The following ZFAT variants were observed in gnomAD, a reference collection of about 807,000 sequenced individuals.
ZFAT encodes zinc finger and AT-hook domain containing.
Under a neutral mutation model 117.7 loss-of-function variants are expected in ZFAT, and 64 were observed. That is an observed-to-expected ratio of 0.54 (90% CI 0.44 to 0.67). The LOEUF (loss-of-function observed/expected upper bound fraction) is 0.67. Ranked by LOEUF, ZFAT falls within the 30% of genes least tolerant of loss-of-function variation. The pLI is 0.00. For synonymous variants in ZFAT, 679 were observed against 615.0 expected (o/e 1.10, Z -1.54); for missense variants, 1,433 against 1,584.5 (o/e 0.90, Z 1.62).
At chr8:134,819,870 GAA>G in the ZFAT span, among the ~76,000 whole-genome samples, 5 of 144,294 alleles carry the variant, frequency 3.5e-5, no homozygotes, top group Admixed American at 6.9e-5. Context: ...ACGGGGGGAA[GAA>G]AAAAAAAAAG....
the ZFAT span, among the ~76,000 whole-genome samples, chr8:134,814,162 T>G: frequency 1.3e-5 from 2 of 152,214 alleles, no homozygotes; most frequent in African/African-American, 4.8e-5. Context: ...GTTCTATGAA[T>G]GTATTTTTGG....
intron 3 of ZFAT, among the ~76,000 whole-genome samples, chr8:134,629,233 C>G (rs958849589): frequency 3.3e-5 from 5 of 152,140 alleles, no homozygotes; most frequent in Non-Finnish European, 7.4e-5. Context: ...GGATGAGTTT[C>G]GGATTGAACA....
chr8:134,578,626 G>A (rs1825493655), intron 10 of ZFAT, among the ~76,000 whole-genome samples: 1 of 152,094 alleles, frequency 6.6e-6, no homozygotes, highest in African/African-American at 2.4e-5. Flanking sequence ...TGGCTGTTCT[G>A]TTGAGAATGG....
intron 10 of ZFAT, among the ~76,000 whole-genome samples, chr8:134,574,339 G>T (rs2130809229): frequency 6.6e-6 from 1 of 152,218 alleles, no homozygotes; most frequent in African/African-American, 2.4e-5. Context: ...ATCGCTCCTG[G>T]CCTCCCGGCA....
In ZFAT at chr8:134,582,063, T is replaced by G. The variant is rs181338725; in HGVS notation, c.2887+1769A>C. Among the ~76,000 whole-genome samples the G allele has an allele frequency of 9.9e-5, 15 of 152,256 alleles. No individual in the cohort carries two copies. In the East Asian group the frequency reaches 2.5e-3, roughly 25 times the overall value. ...TTTGAATACCATTCCTTTTCAGGAG[T>G]TGCATTCCTGCTTTGACAACAAGAC... On this transcript the variant is annotated intron_variant, in intron 10 of 15. Coordinates refer to ENST00000377838, the MANE Select transcript of ZFAT (RefSeq NM_020863.4).
chr8:134,727,161 T>C, the ZFAT span, among the ~76,000 whole-genome samples: 2 of 149,448 alleles, frequency 1.3e-5, no homozygotes, highest in Non-Finnish European at 3.0e-5. Flanking sequence ...CAAGGAGTAA[T>C]GTTTTCTAGA....
At chr8:134,737,411 G>A in the ZFAT span, among the ~76,000 whole-genome samples, 24 of 152,230 alleles carry the variant, frequency 1.6e-4, no homozygotes, top group Non-Finnish European at 2.8e-4. Flanking sequence ...TAAGATGCTG[G>A]CTGGTCAAAA....
chr8:134,683,650 C>T (rs1833175106), intron 1 of ZFAT, among the ~76,000 whole-genome samples: 1 of 152,200 alleles, frequency 6.6e-6, no homozygotes, highest in South Asian at 2.1e-4. Flanking sequence ...AGGTTAAAGG[C>T]AGGGCAGGCA....
chr8:134,686,453 C>A (rs1169582406), intron 1 of ZFAT, among the ~76,000 whole-genome samples: 1 of 152,156 alleles, frequency 6.6e-6, no homozygotes, highest in Admixed American at 6.5e-5. Flanking sequence ...TGCGAACATT[C>A]ACTAAGCTGT....
chr8:134,614,877 G>C (rs1451820391), intron 3 of ZFAT, among the ~76,000 whole-genome samples: 1 of 152,152 alleles, frequency 6.6e-6, no homozygotes, highest in East Asian at 1.9e-4. Flanking sequence ...ACCAAACAAC[G>C]TCTAAATCTC....
the ZFAT span, among the ~76,000 whole-genome samples, chr8:134,757,009 C>CT: frequency 0.3 from 24,556 of 81,468 alleles, 3,434 homozygotes; most frequent in South Asian, 0.33. Context: ...ACCTTCTTTC[C>CT]TTTTTTTTTT....
intron 2 of ZFAT, among the ~76,000 whole-genome samples, chr8:134,656,058 A>T (rs1240885798): frequency 6.6e-6 from 1 of 152,176 alleles, no homozygotes; most frequent in South Asian, 2.1e-4. Flanking sequence ...CAAGTCACTG[A>T]CTGCTCAGCA....
At chr8:134,574,440 C>G (rs1825159018) in intron 10 of ZFAT, among the ~76,000 whole-genome samples, 1 of 151,872 alleles carries the variant, frequency 6.6e-6, no homozygotes, top group Non-Finnish European at 1.5e-5. Context: ...CCCTTTGTTT[C>G]TTACTACAGC....
At chr8:134,710,408 C>G (rs1280081292) in intron 1 of ZFAT, among the ~76,000 whole-genome samples, 3 of 152,200 alleles carry the variant, frequency 2.0e-5, no homozygotes, top group Non-Finnish European at 4.4e-5. Flanking sequence ...CCTCTGAAAC[C>G]AATGGTCTTT....
chr8:134,479,851 T>C (rs1398745935), intron 15 of ZFAT, among the ~76,000 whole-genome samples: 1 of 152,084 alleles, frequency 6.6e-6, no homozygotes, highest in Non-Finnish European at 1.5e-5. Flanking sequence ...GACTAAAATG[T>C]GTTCTTCAGA....
At chr8:134,814,447 C>G in the ZFAT span, among the ~76,000 whole-genome samples, 3 of 152,170 alleles carry the variant, frequency 2.0e-5, no homozygotes, top group East Asian at 5.8e-4. Context: ...ATGCTGTCAT[C>G]ATGGTGACTG....
intron 15 of ZFAT, among the ~76,000 whole-genome samples, chr8:134,500,121 C>G (rs1292658441): frequency 2.6e-5 from 4 of 152,180 alleles, no homozygotes; most frequent in Non-Finnish European, 2.9e-5. Context: ...GGCCTTGACC[C>G]CAAACTTGAA....
the ZFAT span, chr8:134,792,373 T>C: frequency 5.3e-5 from 8 of 152,204 alleles, no homozygotes; most frequent in Non-Finnish European, 7.3e-5. Flanking sequence ...ACTTGTCTTC[T>C]TGTGTTCAGG....
chr8:134,755,040 C>A, the ZFAT span, among the ~76,000 whole-genome samples: 2 of 152,158 alleles, frequency 1.3e-5, no homozygotes, highest in Non-Finnish European at 2.9e-5. Context: ...CCAATATATT[C>A]CTTTTTTTCT....
Sources: allele counts gnomAD v4.1 joint callset (sites outside exome capture counted in the v4.1 genomes callset), GRCh38; gene constraint gnomAD v4.1.1; transcripts MANE v1.5; gene names NCBI Gene and HGNC (gene_info 2026-07-23, HGNC 2026-07-21).